Variants in BBS9 observed in about 807,000 individuals in gnomAD.
BBS9 encodes protein PTHB1.
A neutral mutation model predicts 117.7 loss-of-function variants in BBS9; 89 were observed. The ratio of observed to expected loss-of-function variants is 0.76; its 90% CI spans 0.64 to 0.90. The LOEUF is 0.90. Among genes scored for constraint, BBS9 ranks in the 40% least tolerant of loss-of-function variants. BBS9 has a pLI of 0.00. For synonymous variants in BBS9, 379 were observed against 370.9 expected (o/e 1.02, Z -0.25); for missense variants, 982 against 1,042.2 (o/e 0.94, Z 0.80).
upstream of BBS9, chr7:33,129,303 C>T (rs950991366): frequency 1.6e-5 from 9 of 550,680 alleles, no homozygotes; most frequent in Non-Finnish European, 2.6e-5. Context: ...GTGGCCTGCC[C>T]CCGGAGCCCA....
At chr7:33,569,481 C>G (rs1205360655) in intron 21 of BBS9, among the ~76,000 whole-genome samples, 2 of 151,466 alleles carry the variant, frequency 1.3e-5, no homozygotes, top group African/African-American at 4.8e-5. Flanking sequence ...ATAGGCCGGG[C>G]GCAGTGGCCC....
intron 19 of BBS9, among the ~76,000 whole-genome samples, chr7:33,496,531 T>C (rs997262102): frequency 6.6e-6 from 1 of 151,902 alleles, no homozygotes; most frequent in Non-Finnish European, 1.5e-5. Flanking sequence ...ATTCTGATCC[T>C]GGTTTTGGTT....
At chr7:33,161,223 A>T (rs1431036696) in intron 4 of BBS9, among the ~76,000 whole-genome samples, 1 of 152,030 alleles carries the variant, frequency 6.6e-6, no homozygotes, top group Non-Finnish European at 1.5e-5. Flanking sequence ...TGCCACCATT[A>T]ACTCGTCATT....
At chr7:33,470,445 C>T (rs4467837) in intron 19 of BBS9, among the ~76,000 whole-genome samples, 117,843 of 151,584 alleles carry the variant, frequency 0.78, 46,627 homozygotes, top group African/African-American at 0.93. Context: ...AATCTTCTAA[C>T]GTAGATTCCA....
chr7:33,278,047 G>A (rs1416082194), intron 9 of BBS9, among the ~76,000 whole-genome samples: 4 of 152,184 alleles, frequency 2.6e-5, no homozygotes, highest in African/African-American at 9.7e-5. Context: ...GTCTCCCAAA[G>A]CTAGCCTAGC....
At chr7:33,313,371 G>A (rs745721797) in intron 9 of BBS9, among the ~76,000 whole-genome samples, 22 of 152,060 alleles carry the variant, frequency 1.4e-4, no homozygotes, top group Non-Finnish European at 2.5e-4. Context: ...AAGAAGTTGC[G>A]TCAAATATTT....
At chr7:33,321,159 T>G (rs538527467) in intron 9 of BBS9, among the ~76,000 whole-genome samples, 1 of 152,166 alleles carries the variant, frequency 6.6e-6, no homozygotes, top group Non-Finnish European at 1.5e-5. Flanking sequence ...TAATTTGAAG[T>G]CGGGTAATGT....
chr7:33,202,777 G>C (rs967136378), intron 5 of BBS9, among the ~76,000 whole-genome samples: 3 of 152,158 alleles, frequency 2.0e-5, no homozygotes, highest in Non-Finnish European at 2.9e-5. Flanking sequence ...CAACATTGGG[G>C]ATTACAATTC....
intron 9 of BBS9, among the ~76,000 whole-genome samples, chr7:33,284,093 T>G (rs1175289402): frequency 2.0e-5 from 3 of 152,202 alleles, no homozygotes. Flanking sequence ...TCACTCCTTC[T>G]GTATCCCATG....
At chr7:33,471,521 A>T (rs1414798585) in intron 19 of BBS9, among the ~76,000 whole-genome samples, 3 of 152,228 alleles carry the variant, frequency 2.0e-5, no homozygotes, top group Non-Finnish European at 2.9e-5. Flanking sequence ...CAGTATGACT[A>T]GACCTAGAAG....
intron 9 of BBS9, among the ~76,000 whole-genome samples, chr7:33,312,120 T>C (rs1403366758): frequency 6.6e-6 from 1 of 152,222 alleles, no homozygotes. Flanking sequence ...AAATACCTTT[T>C]TTCTGTCCAC....
chr7:33,172,251 G>C (rs1796690868), intron 4 of BBS9, among the ~76,000 whole-genome samples: 1 of 151,994 alleles, frequency 6.6e-6, no homozygotes, highest in South Asian at 2.1e-4. Flanking sequence ...CATGGTGGCG[G>C]GCGCCTGTAG....
At chr7:33,321,055 G>A (rs1008647193) in intron 9 of BBS9, among the ~76,000 whole-genome samples, 1 of 152,014 alleles carries the variant, frequency 6.6e-6, no homozygotes, top group Non-Finnish European at 1.5e-5. Context: ...TTCATCTACA[G>A]TGATGTTTCT....
At chr7:33,172,621 A>T (rs1196853210) in intron 4 of BBS9, among the ~76,000 whole-genome samples, 1 of 152,140 alleles carries the variant, frequency 6.6e-6, no homozygotes, top group African/African-American at 2.4e-5. Flanking sequence ...GACATGAAAG[A>T]TTTTCATTTG....
intron 9 of BBS9, among the ~76,000 whole-genome samples, chr7:33,288,601 A>G (rs1803374649): frequency 1.3e-5 from 2 of 152,204 alleles, no homozygotes; most frequent in Non-Finnish European, 2.9e-5. Context: ...ATTTCATCAA[A>G]AAATTACCTT....
chr7:33,534,038 C>T lies in BBS9; in HGVS notation c.2383C>T (p.Leu795Phe), dbSNP rs1455021236. The change falls in exon 21 of 23, where the codon CTC becomes TTC. Residue 795 changes from leucine (L) to phenylalanine (F), a missense_variant. Coordinates refer to ENST00000242067, the MANE Select transcript of BBS9 (RefSeq NM_198428.3). The part of the protein sequence containing the change: ...SKSSKEQALN[L>F]NSQLNIPKDT... Reference sequence around the variant, plus strand: ...GAGTTCTAAGGAGCAGGCTTTGAACCTCAACAGCCAGCTGAACATACCCAA... The same window carrying T: ...GAGTTCTAAGGAGCAGGCTTTGAACTTCAACAGCCAGCTGAACATACCCAA... 2.5e-6 allele frequency: 4 copies of T among 1,614,058 alleles called. No homozygotes were observed. Among genetic ancestry groups the T allele is most frequent in the African/African-American group, 2.7e-5 (2 of 74,906 alleles).
chr7:33,273,024 C>G lies in BBS9; in HGVS notation c.715C>G (p.Leu239Val). ...TTTTGCTTTGTAGGTGGATTGGACTCTAAATATTGGAGAGCAAGCCCTTGA... is the reference window on the plus strand; with the variant it reads ...TTTTGCTTTGTAGGTGGATTGGACTGTAAATATTGGAGAGCAAGCCCTTGA... Reference protein sequence around the residue: ...SGKRLVVDWTLNIGEQALDIC... With the variant: ...SGKRLVVDWTVNIGEQALDIC... Residue 239 changes from leucine to valine, a missense_variant, in exon 8 of 23, where the codon CTA (leucine) becomes GTA (valine). Physicochemically the swap from Leu to Val is conservative, Grantham distance 32. Coordinates refer to ENST00000242067, the MANE Select transcript of BBS9 (RefSeq NM_198428.3). 3 of 1,613,566 alleles carry G rather than the reference C, an allele frequency of 1.9e-6. No individual in the cohort carries two copies. Among genetic ancestry groups the G allele is most frequent in the Non-Finnish European group, 2.5e-6 (3 of 1,179,738 alleles).
chr7:33,341,962 T>A (rs10230133), intron 11 of BBS9, among the ~76,000 whole-genome samples: 57,805 of 151,766 alleles, frequency 0.38, 11,399 homozygotes, highest in Admixed American at 0.49. Flanking sequence ...TGTAGAAATC[T>A]GTGTAGAAAT....
intron 4 of BBS9, among the ~76,000 whole-genome samples, chr7:33,159,382 C>T (rs1276972967): frequency 6.6e-6 from 1 of 152,072 alleles, no homozygotes; most frequent in African/African-American, 2.4e-5. Flanking sequence ...AGGGTACTTC[C>T]TTATGCTGGA....
Sources: gnomAD v4.1 joint callset for allele counts (sites outside exome capture counted in the v4.1 genomes callset) on GRCh38, gnomAD v4.1.1 for gene constraint, MANE v1.5 for transcripts, NCBI Gene and HGNC (gene_info 2026-07-23, HGNC 2026-07-21) for gene names.